Variants in NCOR2 observed in about 807,000 individuals in gnomAD.
NCOR2 encodes the protein nuclear receptor corepressor 2.
Under a neutral mutation model 262.9 loss-of-function variants are expected in NCOR2, and 81 were observed. That is an observed-to-expected ratio of 0.31 (90% CI 0.26 to 0.37). The LOEUF is 0.37. Ranked by LOEUF, NCOR2 falls within the 10% of genes least tolerant of loss-of-function variation. The probability of loss-of-function intolerance (pLI) is 1.00; values close to 1 mark genes in which losing one functional copy is unlikely to be tolerated. For synonymous variants in NCOR2, 1,659 were observed against 1,559.3 expected (o/e 1.06, Z -1.51); for missense variants, 3,385 against 3,621.4 (o/e 0.93, Z 1.68).
chr12:124,477,575 G>A (rs565392758), intron 3 of NCOR2, among the ~76,000 whole-genome samples: 2 of 152,308 alleles, frequency 1.3e-5, no homozygotes, highest in African/African-American at 4.8e-5. Context: ...CATTGTAAAT[G>A]TCCTACAAGC....
chr12:124,346,961 C>A, intron 30 of NCOR2, 111 bp from the exon 33 acceptor site: 1 of 1,281,198 alleles, frequency 7.8e-7, no homozygotes, highest in Non-Finnish European at 1.0e-6. Flanking sequence ...TCCCCACTTG[C>A]TGTGTGACCT....
At position 124,388,620 on chromosome 12, in the gene NCOR2, C is replaced by T. The variant is rs1266529850; in HGVS notation, c.1877-2733G>A. On this transcript the variant is annotated intron_variant, in intron 16 of 46. Coordinates refer to ENST00000405201, the Ensembl canonical transcript of NCOR2. ...CTGCCCAGCCTCAAATCCCAGATGG[C>T]CACGTTGCGGTCCCTGTCCCTGCAC... 5 of 1,293,010 alleles carry T rather than the reference C, an allele frequency of 3.9e-6. No individual in the cohort carries two copies. The Admixed American group carries it at 1.2e-4, about 30-fold the overall frequency. 80.1% of individuals were successfully genotyped at this position (1,293,010 alleles called of 1,614,324 possible). A position where few individuals can be genotyped will look rare whatever the true frequency, so the allele number is the denominator to read the frequency against.
chr12:124,465,508 C>T (rs1449137819), intron 5 of NCOR2, among the ~76,000 whole-genome samples: 2 of 152,144 alleles, frequency 1.3e-5, no homozygotes, highest in African/African-American at 4.8e-5. Flanking sequence ...ACTATAGCTG[C>T]CCCCAGTGGG....
In NCOR2 at chr12:124,531,512, G is replaced by A. The variant is rs1320005959; in HGVS notation, c.-118+4053C>T. Among the ~76,000 whole-genome samples, 1 of 152,182 alleles carries A rather than the reference G, an allele frequency of 6.6e-6. No homozygotes were observed. Among genetic ancestry groups the A allele is most frequent in the Non-Finnish European group, 1.5e-5 (1 of 68,030 alleles). On this transcript the variant is annotated intron_variant, in intron 1 of 46. Coordinates refer to the NCOR2 transcript ENST00000404621. The surrounding 1 kb of genome is among the most constrained non-coding windows in gnomAD (Gnocchi z 4.5). ...AAGGAGGGAGGAGAAGGAGGGGTAG[G>A]GAGCAGGAAGGAAGGGGGAGGGGAG... is the stretch of plus-strand genomic sequence containing the variant.
rs3040848 is a variant in NCOR2 at position 124,501,062 on chromosome 12, G to GCACACACACACA, written c.-117-5706_-117-5695dup. 5.4e-5 allele frequency among the ~76,000 whole-genome samples: 8 copies of GCACACACACACA among 147,920 alleles called. No individual in the cohort carries two copies. In the East Asian group the frequency reaches 8.3e-4, roughly 15 times the overall value. The stretch of plus-strand genomic sequence containing the variant: ...ACGGCACGAGCGCGCGCGCACGCGC[G>GCACACACACACA]CACACACACACACACACACACACAC... On this transcript the variant is annotated intron_variant, in intron 1 of 46. Transcript: ENST00000404621.
chr12:124,340,929 G>A (rs2036403956), intron 34 of NCOR2, among the ~76,000 whole-genome samples, 178 bp from the exon 37 acceptor site: 1 of 152,198 alleles, frequency 6.6e-6, no homozygotes, highest in Admixed American at 6.5e-5. Flanking sequence ...TGAATGCTCA[G>A]GTTCTCTCGG....
intron 1 of NCOR2, among the ~76,000 whole-genome samples, chr12:124,542,227 G>A (rs548524105): frequency 5.3e-5 from 8 of 152,140 alleles, no homozygotes; most frequent in Non-Finnish European, 8.8e-5. Flanking sequence ...CACAGGAACA[G>A]GGCGGGCCAT....
At chr12:124,463,688 C>A (rs188497676) in intron 5 of NCOR2, among the ~76,000 whole-genome samples, 1 of 152,222 alleles carries the variant, frequency 6.6e-6, no homozygotes, top group Admixed American at 6.5e-5. Flanking sequence ...GGAAGGAAGG[C>A]GGATTAAAAT....
At chr12:124,565,405 C>T (rs2052204367) in intron 1 of NCOR2, among the ~76,000 whole-genome samples, 1 of 152,202 alleles carries the variant, frequency 6.6e-6, no homozygotes, top group African/African-American at 2.4e-5. Context: ...CCAGTCACCG[C>T]TGGCTCCACC....
chr12:124,430,993 AGCACACAG>A (rs1165158310), intron 8 of NCOR2, among the ~76,000 whole-genome samples: 3 of 151,650 alleles, frequency 2.0e-5, no homozygotes, highest in Non-Finnish European at 2.9e-5. Flanking sequence ...CAGGCACACA[AGCACACAG>A]GCACATACAA....
intron 17 of NCOR2, among the ~76,000 whole-genome samples, chr12:124,380,336 GC>G (rs958056247): frequency 2.0e-5 from 3 of 152,236 alleles, no homozygotes; most frequent in Non-Finnish European, 2.9e-5. Flanking sequence ...TCTGAGCACA[GC>G]CCCTTGGAAC....
Position 124,432,112 on chromosome 12 carries a change from CAT to C in NCOR2, c.883-1327_883-1326del, listed in dbSNP as rs1430128435. Reference sequence around the variant, plus strand: ...ACACACACACGGTCATCCAGGCAGACATATGACAGACACACACACAGTCGCAG... The same window carrying C: ...ACACACACACGGTCATCCAGGCAGACATGACAGACACACACACAGTCGCAG... On this transcript the variant is annotated intron_variant, in intron 8 of 46. Coordinates refer to ENST00000405201, the Ensembl canonical transcript of NCOR2. This position sits in a 1 kb window ranked among gnomAD's most constrained non-coding sequence, Gnocchi z 5.1. Among the ~76,000 whole-genome samples the C allele has an allele frequency of 2.0e-5, 3 of 151,940 alleles. No homozygotes were observed. Among genetic ancestry groups the C allele is most frequent in the East Asian group, 1.9e-4 (1 of 5,158 alleles).
In NCOR2 at chr12:124,387,150, T is replaced by C. The variant is rs570335567; in HGVS notation, c.1877-1263A>G. Among the ~76,000 whole-genome samples, 27 of 152,368 alleles carry C rather than the reference T, an allele frequency of 1.8e-4. No homozygotes were observed. In the East Asian group the frequency reaches 4.6e-3, roughly 26 times the overall value. On this transcript the variant is annotated intron_variant, in intron 16 of 46. Transcript: ENST00000405201. ...GCTGCAAGCCAAGCTCCAGCTAAAA[T>C]TGTTCAGAGGTTGGGGAGCTGAGGG...
At position 124,398,110 on chromosome 12, in the gene NCOR2, A is replaced by C. The variant is rs771062438; in HGVS notation, c.1876+9T>G. ...CCAACAAGGCTTAAAGCCGCCACAC[A>C]CCCCTCACCTTTCTTGGCTGTTTCC... On this transcript the variant is annotated intron_variant, in intron 16 of 46. Transcript: ENST00000405201. The C allele has an allele frequency of 1.2e-6, 2 of 1,613,564 alleles. No homozygotes were observed. The highest frequency in any genetic ancestry group is 2.7e-5 in the African/African-American group (2 of 74,766).
chr12:124,512,060 C>T (rs1329365359), intron 1 of NCOR2, among the ~76,000 whole-genome samples: 2 of 152,150 alleles, frequency 1.3e-5, no homozygotes, highest in Non-Finnish European at 2.9e-5. Flanking sequence ...ACAGGCAAGC[C>T]GCCACCACAT....
intron 1 of NCOR2, among the ~76,000 whole-genome samples, chr12:124,559,193 A>C (rs1157630325): frequency 6.6e-6 from 1 of 152,146 alleles, no homozygotes; most frequent in African/African-American, 2.4e-5. Flanking sequence ...CCAGATGCAA[A>C]GAAAGGCCAG....
Position 124,398,051 on chromosome 12 carries a change from C to G in NCOR2, c.1876+68G>C, listed in dbSNP as rs1398742167. 7.6e-6 allele frequency: 12 copies of G among 1,582,182 alleles called. No individual in the cohort carries two copies. In the East Asian group the frequency reaches 2.7e-4, roughly 35 times the overall value. On this transcript the variant is annotated intron_variant, in intron 16 of 46. Coordinates refer to ENST00000405201, the Ensembl canonical transcript of NCOR2. ...AAGGCCAAATGTGTCAACACCCTCC[C>G]CAGCACGTGAGCTTCAGGCGCCCTG...
intron 4 of NCOR2, among the ~76,000 whole-genome samples, chr12:124,472,141 G>A (rs2046862489): frequency 6.6e-6 from 1 of 152,162 alleles, no homozygotes; most frequent in Non-Finnish European, 1.5e-5. Flanking sequence ...GTGGCCTCTT[G>A]GTGTCAGGGA....
rs1204877587 is a variant in NCOR2, at chr12:124,495,045, A to G, written c.105+102T>C. 4 of 1,446,814 alleles carry G rather than the reference A, an allele frequency of 2.8e-6. No homozygotes were observed. Among genetic ancestry groups the G allele is most frequent in the African/African-American group, 1.4e-5 (1 of 70,276 alleles). 89.6% of individuals were successfully genotyped at this position (1,446,814 alleles called of 1,614,324 possible). A position where few individuals can be genotyped will look rare whatever the true frequency, so the allele number is the denominator to read the frequency against. Reference sequence around the variant, plus strand: ...CCTCTGCCCTGGGAGGCTCAGAGCCACATGAGCCTGGCTCCCAGGAGAAAG... The same window carrying G: ...CCTCTGCCCTGGGAGGCTCAGAGCCGCATGAGCCTGGCTCCCAGGAGAAAG... On this transcript the variant is annotated intron_variant, in intron 1 of 46. Transcript: ENST00000405201. This position sits in a 1 kb window ranked among gnomAD's most constrained non-coding sequence, Gnocchi z 4.4.
Sources: gnomAD v4.1 joint callset for allele counts (sites outside exome capture counted in the v4.1 genomes callset) on GRCh38, gnomAD v4.1.1 for gene constraint, Gnocchi (gnomAD v3.1) non-coding constraint, MANE v1.5 for transcripts, NCBI Gene and HGNC (gene_info 2026-07-23, HGNC 2026-07-21) for gene names.